The following ZPBP variants were observed in gnomAD, a reference collection of about 807,000 sequenced individuals.
ZPBP encodes the protein zona pellucida binding protein.
ZPBP carries 26 observed loss-of-function variants against 44.8 expected under a neutral mutation model. The observed-to-expected ratio is 0.58, with a 90% CI of 0.43 to 0.81. The LOEUF is 0.81. Ranked by LOEUF, ZPBP falls within the 30% of genes least tolerant of loss-of-function variation. The pLI is 0.00. For synonymous variants in ZPBP, 174 were observed against 153.2 expected, an observed-to-expected ratio of 1.14 and a Z score of -1.00; for missense variants, 409 against 434.0, an observed-to-expected ratio of 0.94 and a Z score of 0.51.
At chr7:50,006,757 C>A (rs1490622500) in intron 6 of ZPBP, among the ~76,000 whole-genome samples, 1 of 151,782 alleles carries the variant, frequency 6.6e-6, no homozygotes, top group Admixed American at 6.6e-5. Context: ...CTAACCAAAA[C>A]AAGAATTGCT....
intron 2 of ZPBP, among the ~76,000 whole-genome samples, chr7:49,881,416 A>C (rs6977361): frequency 0.71 from 107,502 of 152,006 alleles, 38,498 homozygotes; most frequent in East Asian, 0.88. Context: ...TGAATGATTT[A>C]ATAGAAAGTT....
At chr7:49,982,178 T>G (rs1183378990) in intron 7 of ZPBP, among the ~76,000 whole-genome samples, 4 of 91,670 alleles carry the variant, frequency 4.4e-5, no homozygotes, top group African/African-American at 1.8e-4. Flanking sequence ...TATATATATA[T>G]AATTTATTAT....
chr7:49,865,793 A>C (rs368393134), intron 2 of ZPBP, among the ~76,000 whole-genome samples: 112 of 152,272 alleles, frequency 7.4e-4, no homozygotes, highest in African/African-American at 2.6e-3. Context: ...CTTGCAAGAT[A>C]TATCAACCTT....
intron 2 of ZPBP, among the ~76,000 whole-genome samples, chr7:49,890,554 G>A (rs538318020): frequency 9.2e-5 from 14 of 152,234 alleles, no homozygotes; most frequent in Admixed American, 7.9e-4. Flanking sequence ...ATTTTATAGG[G>A]ATACTTAGGA....
At chr7:49,887,584 T>A (rs574129446) in intron 2 of ZPBP, among the ~76,000 whole-genome samples, 2 of 152,332 alleles carry the variant, frequency 1.3e-5, no homozygotes, top group East Asian at 3.9e-4. Context: ...TGTATGATAA[T>A]CAGATGTCAA....
At chr7:50,035,723 T>C (rs1015516559) in intron 4 of ZPBP, among the ~76,000 whole-genome samples, 1 of 152,064 alleles carries the variant, frequency 6.6e-6, no homozygotes, top group Non-Finnish European at 1.5e-5. Context: ...ACCCACTATA[T>C]AGATTAAAAG....
chr7:49,889,346 A>T (rs910551290), intron 2 of ZPBP, among the ~76,000 whole-genome samples: 3 of 152,364 alleles, frequency 2.0e-5, no homozygotes, highest in African/African-American at 7.2e-5. Context: ...ATTGAGGTCT[A>T]ACTATAAAAA....
chr7:50,086,444 T>A (rs1309518517), intron 2 of ZPBP, among the ~76,000 whole-genome samples: 1 of 152,076 alleles, frequency 6.6e-6, no homozygotes, highest in Non-Finnish European at 1.5e-5. Context: ...ATATTTTATA[T>A]ATGATCAAAG....
At chr7:50,017,226 C>A (rs1299639027) in intron 6 of ZPBP, among the ~76,000 whole-genome samples, 1 of 152,132 alleles carries the variant, frequency 6.6e-6, no homozygotes, top group Non-Finnish European at 1.5e-5. Flanking sequence ...GAGACAGTGA[C>A]AGATCATCAG....
rs77148085 is a variant in ZPBP at position 49,909,291 on chromosome 7, T to C, written n.412-8076A>G. ...ATTAGGGTGAAATAAAAGCAGACTG[T>C]ATTTTCAAATTTACCTCTGCAAAAA... On this transcript the variant is annotated intron_variant and non_coding_transcript_variant, in intron 1 of 2. Coordinates refer to the ZPBP transcript ENST00000465922. Among the ~76,000 whole-genome samples, 29 of 152,312 alleles carry C rather than the reference T, an allele frequency of 1.9e-4. No individual in the cohort carries two copies. In the East Asian group the frequency reaches 5.4e-3, roughly 28 times the overall value.
rs1403259583 is a variant in ZPBP, at chr7:50,012,414, G to A, written c.783+5826C>T. On this transcript the variant is annotated intron_variant, in intron 6 of 7. Transcript: ENST00000046087. ...AAAAACATTTTCAGAAAATATAAGA[G>A]AAGGAAACAGTTACAAGTCATTTTG... 2.0e-5 allele frequency among the ~76,000 whole-genome samples: 3 copies of A among 151,864 alleles called. No homozygotes were observed. The East Asian group carries it at 5.8e-4, about 29-fold the overall frequency.
chr7:49,956,278 C>T (rs1340327757), intron 7 of ZPBP, among the ~76,000 whole-genome samples: 1 of 151,788 alleles, frequency 6.6e-6, no homozygotes. Context: ...GAATATATAA[C>T]ACTGAAATTA....
At chr7:50,043,895 AT>A (rs1249349627) in intron 4 of ZPBP, among the ~76,000 whole-genome samples, 2 of 152,218 alleles carry the variant, frequency 1.3e-5, no homozygotes, top group South Asian at 4.1e-4. Flanking sequence ...TTATTCTAAA[AT>A]TGACCATATA....
At chr7:49,945,667 C>T (rs1795074659) in intron 7 of ZPBP, among the ~76,000 whole-genome samples, 1 of 151,566 alleles carries the variant, frequency 6.6e-6, no homozygotes, top group African/African-American at 2.4e-5. Context: ...GCTACTCCTG[C>T]TCTTTTCTGG....
chr7:49,970,466 C>CTTTTTTTTTTTTTTT lies in ZPBP; in HGVS notation c.961+12861_961+12875dup, dbSNP rs771955717. On this transcript the variant is annotated intron_variant, in intron 7 of 7. Coordinates refer to ENST00000046087, the MANE Select transcript of ZPBP (RefSeq NM_007009.3). The stretch of plus-strand genomic sequence containing the variant: ...ACCCTCCACACAACAGCTGAATATA[C>CTTTTTTTTTTTTTTT]TTTTTTTTTTTTTTTTTTTTTTTTT... Among the ~76,000 whole-genome samples the CTTTTTTTTTTTTTTT allele has an allele frequency of 8.2e-5, 7 of 85,200 alleles. 1 individual carries two copies. Among genetic ancestry groups the CTTTTTTTTTTTTTTT allele is most frequent in the African/African-American group, 1.4e-4 (3 of 20,936 alleles). The allele number at this position is 85,200 out of a possible 152,430, so 55.9% of individuals were successfully genotyped here.
chr7:49,845,311 G>C, the ZPBP span, among the ~76,000 whole-genome samples: 7 of 152,026 alleles, frequency 4.6e-5, no homozygotes, highest in Non-Finnish European at 1.0e-4. Context: ...AAAGGTGATA[G>C]ATGATTTAAA....
rs1795008188 is a variant in ZPBP, at chr7:49,944,288, T to A, written c.962-6666A>T. 1.3e-5 allele frequency: 4 copies of A among 306,684 alleles called. No individual in the cohort carries two copies. In the South Asian group the frequency reaches 1.5e-4, roughly 11 times the overall value. The allele number at this position is 306,684 out of a possible 1,614,324, so 19.0% of individuals were successfully genotyped here. A position where few individuals can be genotyped will look rare whatever the true frequency, so the allele number is the denominator to read the frequency against. On this transcript the variant is annotated intron_variant, in intron 7 of 7. Transcript: ENST00000046087. ...GGGCTTAATGATCTTACCACAGCTG[T>A]TCTTGTATTTCTTTTGCCTGTACAT...
At chr7:49,843,719 G>T in the ZPBP span, among the ~76,000 whole-genome samples, 1 of 152,192 alleles carries the variant, frequency 6.6e-6, no homozygotes, top group African/African-American at 2.4e-5. Flanking sequence ...TAGAGACAAG[G>T]TCATAGAAGC....
intron 2 of ZPBP, among the ~76,000 whole-genome samples, chr7:49,865,816 A>G (rs1349535190): frequency 6.6e-6 from 1 of 152,190 alleles, no homozygotes; most frequent in East Asian, 1.9e-4. Flanking sequence ...CCCAGCACCC[A>G]GAATGCTCAT....
Sources: gnomAD v4.1 joint callset for allele counts (sites outside exome capture counted in the v4.1 genomes callset) on GRCh38, gnomAD v4.1.1 for gene constraint, MANE v1.5 for transcripts, NCBI Gene and HGNC (gene_info 2026-07-23, HGNC 2026-07-21) for gene names.